Variants in RNF180 observed in about 807,000 individuals in gnomAD.
The protein encoded by RNF180 is E3 ubiquitin-protein ligase RNF180.
RNF180 carries 38 observed loss-of-function variants against 59.2 expected under a neutral mutation model. The observed-to-expected ratio is 0.64, with a 90% CI of 0.50 to 0.84. The LOEUF (loss-of-function observed/expected upper bound fraction) is 0.84, where lower values mean the gene tolerates loss of function less well. Among genes scored for constraint, RNF180 ranks in the 40% least tolerant of loss-of-function variants. The pLI is 0.00. For missense variants in RNF180, 705 were observed against 700.9 expected (o/e 1.01, Z -0.07); for synonymous variants, 262 against 240.3 (o/e 1.09, Z -0.84).
chr5:64,167,592 G>A (rs895301023), intron 1 of RNF180, among the ~76,000 whole-genome samples: 2 of 152,142 alleles, frequency 1.3e-5, no homozygotes, highest in African/African-American at 4.8e-5. Flanking sequence ...CCTCATACAT[G>A]AAGCAGGAAT....
intron 7 of RNF180, among the ~76,000 whole-genome samples, chr5:64,343,793 G>A (rs1210433738): frequency 6.6e-6 from 1 of 150,956 alleles, no homozygotes; most frequent in Non-Finnish European, 1.5e-5. Context: ...AAAAATGAAG[G>A]TGAAATAAAG....
At chr5:64,176,972 C>T (rs559949193) in intron 1 of RNF180, among the ~76,000 whole-genome samples, 3 of 152,230 alleles carry the variant, frequency 2.0e-5, no homozygotes, top group Non-Finnish European at 2.9e-5. Flanking sequence ...AAATTGGGGG[C>T]TGTCTACTCA....
chr5:64,196,585 A>G (rs1309472392), intron 1 of RNF180, among the ~76,000 whole-genome samples: 1 of 152,096 alleles, frequency 6.6e-6, no homozygotes, highest in Non-Finnish European at 1.5e-5. Context: ...AATTCCTGAA[A>G]GTAATCTTAC....
intron 5 of RNF180, among the ~76,000 whole-genome samples, chr5:64,276,611 A>G (rs1325094186): frequency 6.6e-6 from 1 of 152,004 alleles, no homozygotes; most frequent in Admixed American, 6.6e-5. Context: ...TTATGGAGCC[A>G]TGTTCTCTCT....
chr5:64,337,490 A>G (rs575525967), intron 7 of RNF180, among the ~76,000 whole-genome samples: 1 of 151,958 alleles, frequency 6.6e-6, no homozygotes, highest in Non-Finnish European at 1.5e-5. Context: ...GTCTAGAAAT[A>G]TATTTTTTTG....
At chr5:64,319,412 G>C (rs1319109458) in intron 5 of RNF180, among the ~76,000 whole-genome samples, 2 of 152,036 alleles carry the variant, frequency 1.3e-5, no homozygotes, top group African/African-American at 4.8e-5. Context: ...TGCTGATTTT[G>C]ATTATTGTGA....
Position 64,188,169 on chromosome 5 carries a change from G to A in RNF180, c.1-12639G>A, listed in dbSNP as rs575567076. 3.3e-5 allele frequency among the ~76,000 whole-genome samples: 5 copies of A among 152,222 alleles called. No homozygotes were observed. In the East Asian group the frequency reaches 5.8e-4, roughly 18 times the overall value. ...ATGTTCTGCTCATGTTAACAGCCAC[G>A]GATGCCAAAGCCCATTTCAACAAAG... On this transcript the variant is annotated intron_variant, in intron 1 of 7. Transcript: ENST00000389100.
At chr5:64,244,905 A>ATTTG (rs369665975) in intron 5 of RNF180, among the ~76,000 whole-genome samples, 6,112 of 152,324 alleles carry the variant, frequency 0.04, 352 homozygotes, top group African/African-American at 0.14. Context: ...CAGAAAGCCT[A>ATTTG]CAAGCCAGAA....
At chr5:64,239,910 T>C (rs1742695392) in intron 5 of RNF180, among the ~76,000 whole-genome samples, 1 of 152,192 alleles carries the variant, frequency 6.6e-6, no homozygotes, top group Non-Finnish European at 1.5e-5. Flanking sequence ...ATTTTTATGT[T>C]ACCTTTCCAA....
intron 5 of RNF180, among the ~76,000 whole-genome samples, chr5:64,242,381 G>A (rs1270109193): frequency 6.6e-6 from 1 of 152,142 alleles, no homozygotes; most frequent in Non-Finnish European, 1.5e-5. Context: ...ACAACATAAG[G>A]TGTCAGTGAC....
At chr5:64,185,014 T>C (rs993172467) in intron 1 of RNF180, among the ~76,000 whole-genome samples, 1 of 152,148 alleles carries the variant, frequency 6.6e-6, no homozygotes, top group Non-Finnish European at 1.5e-5. Flanking sequence ...CTCCTGACTG[T>C]CCTTTCTGTT....
intron 1 of RNF180, among the ~76,000 whole-genome samples, chr5:64,192,360 T>C (rs1468571803): frequency 6.6e-6 from 1 of 152,046 alleles, no homozygotes; most frequent in East Asian, 1.9e-4. Context: ...GAATATCGAA[T>C]GGTGTAGTCA....
intron 7 of RNF180, among the ~76,000 whole-genome samples, chr5:64,367,715 C>T (rs978798590): frequency 1.1e-4 from 16 of 151,592 alleles, no homozygotes; most frequent in Non-Finnish European, 2.1e-4. Context: ...TAACATTACT[C>T]AATTGTTATA....
At chr5:64,328,548 A>G (rs1018539010) in intron 6 of RNF180, among the ~76,000 whole-genome samples, 6 of 152,212 alleles carry the variant, frequency 3.9e-5, no homozygotes, top group African/African-American at 7.2e-5. Flanking sequence ...ACTCTCTAGC[A>G]TACATGATGA....
At chr5:64,192,900 C>CATGTGTGTGT (rs1561178772) in intron 1 of RNF180, among the ~76,000 whole-genome samples, 2 of 32,852 alleles carry the variant, frequency 6.1e-5, no homozygotes, top group African/African-American at 2.2e-4. Flanking sequence ...GAAAGTGTGG[C>CATGTGTGTGT]ATGTATATAT....
In RNF180 at chr5:64,181,122, TG is replaced by T. The variant is rs1433880206; in HGVS notation, c.-1+15170del. 2.6e-5 allele frequency among the ~76,000 whole-genome samples: 4 copies of T among 152,328 alleles called. No homozygotes were observed. In the East Asian group the frequency reaches 7.7e-4, roughly 29 times the overall value. ...TGAAGGCTGGATGACTCAGCAAGCC[TG>T]CTCCTTCCACGTTCTTCTGCCTGCT... On this transcript the variant is annotated intron_variant, in intron 1 of 7. Transcript: ENST00000389100.
chr5:64,236,553 A>G (rs1048362660), intron 5 of RNF180, among the ~76,000 whole-genome samples: 4 of 152,202 alleles, frequency 2.6e-5, no homozygotes, highest in African/African-American at 9.6e-5. Context: ...CTGAGGAGGA[A>G]TGCAAGCCCA....
intron 5 of RNF180, among the ~76,000 whole-genome samples, chr5:64,286,047 C>T (rs750531578): frequency 9.9e-5 from 15 of 152,108 alleles, no homozygotes; most frequent in Non-Finnish European, 2.2e-4. Context: ...AAATCAGGAA[C>T]AAGTCCCAGT....
chr5:64,326,589 A>G (rs1744654803), intron 6 of RNF180, among the ~76,000 whole-genome samples: 1 of 152,170 alleles, frequency 6.6e-6, no homozygotes. Flanking sequence ...GAAAAGATGA[A>G]AATAAGATTC....
Sources: allele counts gnomAD v4.1 joint callset (sites outside exome capture counted in the v4.1 genomes callset), GRCh38; gene constraint gnomAD v4.1.1; transcripts MANE v1.5; gene names NCBI Gene and HGNC (gene_info 2026-07-23, HGNC 2026-07-21).